The following MEI4 variants were observed in gnomAD, a reference collection of about 807,000 sequenced individuals.
MEI4 encodes meiotic double-stranded break formation protein 4, also known as meiosis-specific protein MEI4.
In MEI4, 27 loss-of-function variants were observed where a neutral mutation model predicts 31.4. That is an observed-to-expected ratio of 0.86 (90% confidence interval 0.63 to 1.19). The LOEUF (loss-of-function observed/expected upper bound fraction) is 1.19. MEI4 is among the 50% of genes most tolerant of loss of function. The pLI, the probability that MEI4 is intolerant of heterozygous loss-of-function variation, is 0.00. For missense variants in MEI4, 329 were observed against 398.9 expected (o/e 0.82, Z 1.49); for synonymous variants, 122 against 145.4 (o/e 0.84, Z 1.16).
chr6:77,841,967 A>C (rs1770376630), intron 4 of MEI4, among the ~76,000 whole-genome samples: 1 of 152,154 alleles, frequency 6.6e-6, no homozygotes, highest in Admixed American at 6.5e-5. Flanking sequence ...CATTGTAGGG[A>C]GGACTGGATA....
intron 4 of MEI4, among the ~76,000 whole-genome samples, chr6:77,905,721 C>G (rs1228254346): frequency 1.3e-5 from 2 of 150,746 alleles, no homozygotes; most frequent in African/African-American, 4.9e-5. Flanking sequence ...TGGTCTTGAT[C>G]TCCTGACCTT....
intron 2 of MEI4, among the ~76,000 whole-genome samples, chr6:77,716,444 T>TA (rs1441081617): frequency 2.0e-5 from 3 of 152,148 alleles, no homozygotes; most frequent in African/African-American, 7.2e-5. Flanking sequence ...ATGCAGTTTT[T>TA]ATTGAGGTAT....
chr6:77,729,628 C>G (rs1446957692), intron 2 of MEI4, among the ~76,000 whole-genome samples: 1 of 152,110 alleles, frequency 6.6e-6, no homozygotes, highest in Non-Finnish European at 1.5e-5. Flanking sequence ...AAGAGCAAAG[C>G]AGTACTTTAC....
chr6:77,711,470 G>A (rs1766465722), intron 2 of MEI4, among the ~76,000 whole-genome samples: 1 of 152,084 alleles, frequency 6.6e-6, no homozygotes, highest in Admixed American at 6.6e-5. Flanking sequence ...GAACTGATGT[G>A]GACCTTTCTG....
chr6:77,808,593 C>T (rs1401232973), intron 3 of MEI4, among the ~76,000 whole-genome samples: 1 of 152,068 alleles, frequency 6.6e-6, no homozygotes, highest in African/African-American at 2.4e-5. Context: ...AAAAGGAGGT[C>T]AGGCAACAGA....
At chr6:77,834,341 C>A (rs944315221) in intron 4 of MEI4, among the ~76,000 whole-genome samples, 1 of 147,018 alleles carries the variant, frequency 6.8e-6, no homozygotes, top group African/African-American at 2.5e-5. Flanking sequence ...GTATAATTTT[C>A]TCTGTTTTTG....
intron 4 of MEI4, among the ~76,000 whole-genome samples, chr6:77,841,333 A>ATATATATATTTTT: frequency 5.8e-4 from 16 of 27,734 alleles, no homozygotes; most frequent in South Asian, 1.2e-3. Flanking sequence ...ATATATATAT[A>ATATATATATTTTT]TTTTTTTTTT....
At chr6:77,907,958 T>C (rs1041580722) in intron 4 of MEI4, among the ~76,000 whole-genome samples, 2 of 151,980 alleles carry the variant, frequency 1.3e-5, no homozygotes, top group South Asian at 2.1e-4. Flanking sequence ...TTTTGAGAAG[T>C]GTCTGTTCAT....
intron 4 of MEI4, among the ~76,000 whole-genome samples, chr6:77,858,027 G>T (rs1406192256): frequency 2.0e-5 from 3 of 152,066 alleles, no homozygotes; most frequent in Non-Finnish European, 2.9e-5. Context: ...TGTTTATAAT[G>T]CCTAAAACTA....
intron 4 of MEI4, among the ~76,000 whole-genome samples, chr6:77,831,887 T>C (rs1770092157): frequency 6.6e-6 from 1 of 152,056 alleles, no homozygotes; most frequent in African/African-American, 2.4e-5. Flanking sequence ...TTATAACATT[T>C]TTTATATTTC....
intron 2 of MEI4, among the ~76,000 whole-genome samples, chr6:77,742,054 A>G (rs930035881): frequency 6.6e-6 from 1 of 151,910 alleles, no homozygotes; most frequent in Non-Finnish European, 1.5e-5. Context: ...AGTCTTTGCT[A>G]TTGTGAATAG....
chr6:77,655,506 T>C (rs561245384), intron 1 of MEI4, among the ~76,000 whole-genome samples: 1 of 152,360 alleles, frequency 6.6e-6, no homozygotes, highest in South Asian at 2.1e-4. Flanking sequence ...CCTCCTCTGC[T>C]GTTTAAAATA....
chr6:77,653,058 C>G lies in MEI4; in HGVS notation c.-49C>G, dbSNP rs1417934763. On this transcript the variant is annotated 5_prime_UTR_variant, in exon 1 of 5. Coordinates refer to ENST00000684080, the MANE Select transcript of MEI4 (RefSeq NM_001322247.2). ...ACCCCTGATGAGGCGTTCTCTTGCC[C>G]TGTTATCATCTCATTTCTGCTTCTC... 6.6e-6 allele frequency among the ~76,000 whole-genome samples: 1 copy of G among 152,108 alleles called. No homozygotes were observed. Among genetic ancestry groups the G allele is most frequent in the Non-Finnish European group, 1.5e-5 (1 of 68,018 alleles).
At chr6:77,898,921 A>G (rs1766136096) in intron 4 of MEI4, among the ~76,000 whole-genome samples, 1 of 152,014 alleles carries the variant, frequency 6.6e-6, no homozygotes, top group African/African-American at 2.4e-5. Context: ...TCAAGGTTTC[A>G]ATTTTAAAGG....
At chr6:77,770,154 C>T (rs77038384) in intron 3 of MEI4, among the ~76,000 whole-genome samples, 2,177 of 152,000 alleles carry the variant, frequency 0.014, 53 homozygotes, top group African/African-American at 0.05. Flanking sequence ...ACAACCAATA[C>T]CTCAGAAATT....
intron 2 of MEI4, among the ~76,000 whole-genome samples, chr6:77,699,019 C>G (rs1170475157): frequency 6.6e-6 from 1 of 151,860 alleles, no homozygotes; most frequent in African/African-American, 2.4e-5. Context: ...TCATTCATTT[C>G]GTCTTCCATC....
chr6:77,916,876 G>A (rs572784442), intron 4 of MEI4, among the ~76,000 whole-genome samples: 8 of 151,002 alleles, frequency 5.3e-5, no homozygotes, highest in East Asian at 2.0e-4. Context: ...CCACTAACTC[G>A]TCATCTAGCA....
rs28822705 is a variant in MEI4 at position 77,883,724 on chromosome 6, A to C, written c.901-39365A>C. Among the ~76,000 whole-genome samples the C allele has an allele frequency of 1.5e-5, 2 of 132,360 alleles. 1 individual carries two copies. Among genetic ancestry groups the C allele is most frequent in the African/African-American group, 5.8e-5 (2 of 34,756 alleles). The allele number at this position is 132,360 out of a possible 152,430, so 86.8% of individuals were successfully genotyped here. A position where few individuals can be genotyped will look rare whatever the true frequency, so the allele number is the denominator to read the frequency against. Reference sequence around the variant, plus strand: ...TGAAATGCTATTATGTAAGATATATATATATATATATATATATATAACTTT... The same window carrying C: ...TGAAATGCTATTATGTAAGATATATCTATATATATATATATATATAACTTT... On this transcript the variant is annotated intron_variant, in intron 4 of 4. Coordinates refer to ENST00000684080, the MANE Select transcript of MEI4 (RefSeq NM_001322247.2).
At chr6:77,798,471 CTTTATTTA>C (rs150348730) in intron 3 of MEI4, among the ~76,000 whole-genome samples, 22 of 150,534 alleles carry the variant, frequency 1.5e-4, no homozygotes, top group African/African-American at 3.7e-4. Context: ...AGATGAGGCA[CTTTATTTA>C]TTTATTTATT....
Sources: gnomAD v4.1 joint callset for allele counts (sites outside exome capture counted in the v4.1 genomes callset) on GRCh38, gnomAD v4.1.1 for gene constraint, MANE v1.5 for transcripts, NCBI Gene and HGNC (gene_info 2026-07-23, HGNC 2026-07-21) for gene names.